HSPBAP1: variants seen among roughly 807,000 people sequenced by gnomAD.
HSPBAP1 encodes the protein HSPB1 associated protein 1.
HSPBAP1 carries 27 observed loss-of-function variants against 45.2 expected under a neutral mutation model. The observed-to-expected ratio is 0.60, with a 90% confidence interval of 0.44 to 0.82. HSPBAP1 has a LOEUF of 0.82. Among genes scored for constraint, HSPBAP1 ranks in the 40% least tolerant of loss-of-function variants. The pLI, the probability that HSPBAP1 is intolerant of heterozygous loss-of-function variation, is 0.00. For missense variants in HSPBAP1, 510 were observed against 590.9 expected (o/e 0.86, Z 1.42); for synonymous variants, 204 against 202.7 (o/e 1.01, Z -0.06).
intron 2 of HSPBAP1, among the ~76,000 whole-genome samples, chr3:122,776,878 C>T (rs9755979): frequency 6.6e-6 from 1 of 151,952 alleles, no homozygotes. Flanking sequence ...CAGCAGGAAG[C>T]GAAGCTGGGG....
chr3:122,746,689 C>T (rs1458552757), intron 6 of HSPBAP1, among the ~76,000 whole-genome samples: 1 of 151,654 alleles, frequency 6.6e-6, no homozygotes, highest in African/African-American at 2.4e-5. Context: ...TCCACGGTCT[C>T]CCTCTGATGC....
intron 1 of HSPBAP1, among the ~76,000 whole-genome samples, chr3:122,782,429 G>A (rs1203775600): frequency 6.6e-6 from 1 of 151,934 alleles, no homozygotes; most frequent in Non-Finnish European, 1.5e-5. Context: ...TATTAACCTT[G>A]GATAGGATAG....
At chr3:122,754,155 T>C (rs1576242648) in intron 5 of HSPBAP1, 1 of 153,116 alleles carries the variant, frequency 6.5e-6, no homozygotes, top group Non-Finnish European at 1.5e-5. Context: ...ATTGAAAACA[T>C]ATGTACACAC....
chr3:122,746,086 G>A (rs1006110074), intron 6 of HSPBAP1, among the ~76,000 whole-genome samples: 14 of 152,178 alleles, frequency 9.2e-5, no homozygotes, highest in African/African-American at 2.4e-4. Context: ...TATATCCCCC[G>A]AGGATAAGGA....
chr3:122,792,464 G>A (rs980395491), intron 1 of HSPBAP1, among the ~76,000 whole-genome samples: 3 of 152,100 alleles, frequency 2.0e-5, no homozygotes, highest in Non-Finnish European at 4.4e-5. Flanking sequence ...TGTCTCCCTG[G>A]TAGAAAGTGG....
intron 1 of HSPBAP1, among the ~76,000 whole-genome samples, chr3:122,780,694 C>T (rs1299034024): frequency 2.6e-5 from 4 of 151,250 alleles, no homozygotes; most frequent in African/African-American, 7.3e-5. Flanking sequence ...GGCTGCCGGG[C>T]GGAGAGGCTC....
rs1935722279 is a variant in HSPBAP1 at position 122,788,510 on chromosome 3, C to T, written c.64+5107G>A. ...AAAGACATCTGCACACCCATGTTCA[C>T]AGCAGCACTATTACAATAGCTAAGT... On this transcript the variant is annotated intron_variant, in intron 1 of 7. Coordinates refer to ENST00000306103, the MANE Select transcript of HSPBAP1 (RefSeq NM_024610.6). 3.3e-5 allele frequency among the ~76,000 whole-genome samples: 5 copies of T among 152,196 alleles called. No individual in the cohort carries two copies. In the South Asian group the frequency reaches 1.0e-3, roughly 32 times the overall value.
At chr3:122,774,668 G>A (rs559446892) in intron 2 of HSPBAP1, among the ~76,000 whole-genome samples, 2 of 152,338 alleles carry the variant, frequency 1.3e-5, no homozygotes, top group South Asian at 2.1e-4. Flanking sequence ...GGTGCAGAGA[G>A]ACTAGGATGA....
In HSPBAP1 at chr3:122,755,300, C is replaced by T. The variant is rs976147325; in HGVS notation, c.701G>A (p.Arg234Gln). 8.1e-6 allele frequency: 13 copies of T among 1,600,976 alleles called. No individual in the cohort carries two copies. The highest frequency in any genetic ancestry group is 7.0e-5 in the Admixed American group (4 of 57,274). ...TGTAACCGCATGTCTTTGAGCTTTCCGGAACTGAGGAAAACGCTTTAAATC... is the reference window on the plus strand; with the variant it reads ...TGTAACCGCATGTCTTTGAGCTTTCTGGAACTGAGGAAAACGCTTTAAATC... ...NPDLKRFPQF[R>Q]KAQRHAVTLS... The change falls in exon 5 of 8, where the codon CGG becomes CAG. Residue 234 changes from arginine (R) to glutamine (Q), a missense_variant. Coordinates refer to ENST00000306103, the MANE Select transcript of HSPBAP1 (RefSeq NM_024610.6).
At chr3:122,778,523 ATT>A (rs201863576) in intron 1 of HSPBAP1, among the ~76,000 whole-genome samples, 1,309 of 126,748 alleles carry the variant, frequency 0.01, 12 homozygotes, top group Non-Finnish European at 0.014. Flanking sequence ...TTTTTTTTTT[ATT>A]TTTTTTTTTT....
intron 3 of HSPBAP1, among the ~76,000 whole-genome samples, chr3:122,766,690 T>C (rs1312791257): frequency 6.6e-6 from 1 of 152,236 alleles, no homozygotes; most frequent in Non-Finnish European, 1.5e-5. Flanking sequence ...CAGGACCGAA[T>C]GTATGCACAC....
intron 6 of HSPBAP1, among the ~76,000 whole-genome samples, chr3:122,744,641 T>A (rs139229406): frequency 0.012 from 1,764 of 152,318 alleles, 28 homozygotes; most frequent in South Asian, 0.014. Flanking sequence ...CAGCATGAAG[T>A]TCTTAGCTAC....
At chr3:122,759,869 C>T (rs1449210131) in intron 3 of HSPBAP1, among the ~76,000 whole-genome samples, 1 of 152,192 alleles carries the variant, frequency 6.6e-6, no homozygotes, top group East Asian at 1.9e-4. Context: ...ACGCAACTTA[C>T]TAACTTTGTG....
intron 1 of HSPBAP1, among the ~76,000 whole-genome samples, chr3:122,780,271 G>A (rs1935380404): frequency 4.9e-5 from 5 of 101,972 alleles, no homozygotes; most frequent in African/African-American, 1.5e-4. Context: ...GGGGCGGCTG[G>A]CCGGGCGGGG....
rs1216157944 is a variant in HSPBAP1 at position 122,793,804 on chromosome 3, C to T, written c.-124G>A. The T allele has an allele frequency of 2.6e-6, 2 of 780,386 alleles. No homozygotes were observed. The highest frequency in any genetic ancestry group is 2.8e-5 in the East Asian group (1 of 36,058). 48.3% of individuals were successfully genotyped at this position (780,386 alleles called of 1,614,324 possible). The stretch of plus-strand genomic sequence containing the variant: ...GGAAGGAGCCCCGGCGACTCCCGCC[C>T]GGCTCCTACGGAAACGCCGGCTCTC... On this transcript the variant is annotated 5_prime_UTR_variant, in exon 1 of 8. Transcript: ENST00000306103.
At chr3:122,752,898 T>C (rs1934209385) in intron 5 of HSPBAP1, 1 of 1,263,660 alleles carries the variant, frequency 7.9e-7, no homozygotes, top group African/African-American at 1.5e-5. Context: ...ACTGCCAGCA[T>C]CTCTATTCTC....
chr3:122,773,869 G>A lies in HSPBAP1; in HGVS notation c.250+3852C>T, dbSNP rs551785548. 3.3e-5 allele frequency among the ~76,000 whole-genome samples: 5 copies of A among 152,214 alleles called. No homozygotes were observed. The East Asian group carries it at 9.7e-4, about 29-fold the overall frequency. On this transcript the variant is annotated intron_variant, in intron 2 of 7. Transcript: ENST00000306103. The stretch of plus-strand genomic sequence containing the variant: ...GCCCAGGCTGGTCTTGAACTCCTGG[G>A]CTCAAGCAATCCTCCTGCTCCAGCC...
At chr3:122,773,303 G>GT (rs36065763) in intron 2 of HSPBAP1, among the ~76,000 whole-genome samples, 2,541 of 84,376 alleles carry the variant, frequency 0.03, 23 homozygotes, top group East Asian at 0.049. Flanking sequence ...AAATAAATGT[G>GT]TTTTTTTTTT....
In HSPBAP1 at chr3:122,768,846, G is replaced by C. The variant is rs1489140053; in HGVS notation, c.287C>G (p.Ala96Gly). 1 of 1,612,478 alleles carries C rather than the reference G, an allele frequency of 6.2e-7. No homozygotes were observed. The highest frequency in any genetic ancestry group is 1.7e-4 in the Middle Eastern group (1 of 6,058). The change falls in exon 3 of 8, where the codon GCT (alanine) becomes GGT (glycine). Residue 96 changes from alanine to glycine, a missense_variant. Transcript: ENST00000306103. ...QFETTCNYVEATLEEFLTWNC... is the reference protein window; with the variant it reads ...QFETTCNYVEGTLEEFLTWNC... ...CCAGGTCAGAAACTCTTCGAGTGTA[G>C]CTTCTACGTAATTACATGTAGTTTC...
Sources: gnomAD v4.1 joint callset for allele counts (sites outside exome capture counted in the v4.1 genomes callset) on GRCh38, gnomAD v4.1.1 for gene constraint, MANE v1.5 for transcripts, NCBI Gene and HGNC (gene_info 2026-07-23, HGNC 2026-07-21) for gene names.